PRKD3: variants seen among roughly 807,000 people sequenced by gnomAD.
PRKD3 encodes the protein serine/threonine-protein kinase D3.
A neutral mutation model predicts 99.2 loss-of-function variants in PRKD3; 47 were observed. The observed-to-expected ratio is 0.47, with a 90% confidence interval of 0.38 to 0.60. The LOEUF is 0.60. Among genes scored for constraint, PRKD3 ranks in the 20% least tolerant of loss-of-function variants. PRKD3 has a pLI of 0.00. For synonymous variants in PRKD3, 392 were observed against 355.4 expected (o/e 1.10, Z -1.16); for missense variants, 1,019 against 1,088.4 (o/e 0.94, Z 0.90).
intron 2 of PRKD3, among the ~76,000 whole-genome samples, chr2:37,297,552 C>A (rs1334089440): frequency 1.3e-5 from 2 of 151,936 alleles, no homozygotes; most frequent in Non-Finnish European, 2.9e-5. Flanking sequence ...TACCCTTTTT[C>A]TGTTTAAGAA....
chr2:37,266,295 C>G (rs1668834255), intron 14 of PRKD3, among the ~76,000 whole-genome samples: 1 of 152,122 alleles, frequency 6.6e-6, no homozygotes, highest in Non-Finnish European at 1.5e-5. Flanking sequence ...TGAATTTCAC[C>G]CAAAGCAAAT....
rs76498211 is a variant in PRKD3 at position 37,280,056 on chromosome 2, T to G, written c.989-127A>C. 9 of 327,364 alleles carry G rather than the reference T, an allele frequency of 2.7e-5. No individual in the cohort carries two copies. In the East Asian group the frequency reaches 8.7e-4, roughly 32 times the overall value. 20.3% of individuals were successfully genotyped at this position (327,364 alleles called of 1,614,324 possible). On this transcript the variant is annotated intron_variant, in intron 7 of 18. Transcript: ENST00000234179. ...TATGAGTTAAGTAAAGTATTTCTCT[T>G]TTTTTTTTTTTTTGAGATAGAGTTT... is the stretch of plus-strand genomic sequence containing the variant.
In PRKD3 at chr2:37,259,612, G is replaced by A. The variant is rs752279157; in HGVS notation, c.2116C>T (p.Leu706=). The A allele has an allele frequency of 1.1e-5, 17 of 1,613,090 alleles. No individual in the cohort carries two copies. In the Admixed American group the frequency reaches 2.8e-4, roughly 27 times the overall value. The part of the protein sequence containing the change: ...VHCDLKPENV[L]LASAEPFPQV... ...GGAAATGGCTCTGCTGATGCAAGCAGCACATTTTCTGGCTTTAAATCACAG... is the reference window on the plus strand; with the variant it reads ...GGAAATGGCTCTGCTGATGCAAGCAACACATTTTCTGGCTTTAAATCACAG... Residue 706 remains leucine (L), a synonymous_variant, in exon 16 of 19, where the codon CTG becomes TTG. Coordinates refer to ENST00000234179, the MANE Select transcript of PRKD3 (RefSeq NM_005813.6).
chr2:37,271,966 G>A (rs2110963), intron 12 of PRKD3, among the ~76,000 whole-genome samples: 20,079 of 152,118 alleles, frequency 0.13, 1,499 homozygotes, highest in South Asian at 0.27. Flanking sequence ...TTCCCTGTTT[G>A]TTCATCCTAG....
intron 2 of PRKD3, among the ~76,000 whole-genome samples, chr2:37,303,612 A>G (rs1352055819): frequency 2.0e-5 from 3 of 151,974 alleles, no homozygotes; most frequent in Non-Finnish European, 4.4e-5. Context: ...GTTTGCTCAC[A>G]TGTTCCCTCC....
intron 16 of PRKD3, among the ~76,000 whole-genome samples, chr2:37,257,687 A>T (rs1245794647): frequency 6.6e-6 from 1 of 151,436 alleles, no homozygotes; most frequent in African/African-American, 2.4e-5. Flanking sequence ...AAAAAAAAAA[A>T]AAAAAAAGTT....
At chr2:37,285,628 G>C (rs1670052848) in intron 6 of PRKD3, among the ~76,000 whole-genome samples, 1 of 152,084 alleles carries the variant, frequency 6.6e-6, no homozygotes, top group African/African-American at 2.4e-5. Flanking sequence ...TTAGTGTCTG[G>C]CTCTGGAATC....
In PRKD3 at chr2:37,279,707, T is replaced by C. The variant is rs201228452; in HGVS notation, c.1172+39A>G. ...TTCTTAATGAGATCCTGAACTGACC[T>C]TGCATCTGGAAGTAGCTTGTAATAT... is the stretch of plus-strand genomic sequence containing the variant. On this transcript the variant is annotated intron_variant, in intron 8 of 18. Coordinates refer to ENST00000234179, the MANE Select transcript of PRKD3 (RefSeq NM_005813.6). 610 of 1,528,970 alleles carry C rather than the reference T, an allele frequency of 4.0e-4. 3 individuals are homozygous for C. Among genetic ancestry groups the C allele is most frequent in the Middle Eastern group, 3.0e-3 (17 of 5,688 alleles). The allele number at this position is 1,528,970 out of a possible 1,614,324, so 94.7% of individuals were successfully genotyped here. A position where few individuals can be genotyped will look rare whatever the true frequency, so the allele number is the denominator to read the frequency against.
In PRKD3 at chr2:37,308,580, G is replaced by A. The variant is rs184542227; in HGVS notation, c.288+7657C>T. Among the ~76,000 whole-genome samples, 329 of 105,048 alleles carry A rather than the reference G, an allele frequency of 3.1e-3. 4 individuals carry two copies. In the Middle Eastern group the frequency reaches 0.069, roughly 22 times the overall value. 68.9% of individuals were successfully genotyped at this position (105,048 alleles called of 152,430 possible). ...AGCGATTCTCCTGCCTCAGCCTCCC[G>A]AGTAGTTGGGATTATAGGCACCTGC... On this transcript the variant is annotated intron_variant, in intron 2 of 18. Coordinates refer to ENST00000234179, the MANE Select transcript of PRKD3 (RefSeq NM_005813.6).
chr2:37,267,128 T>G (rs1040559984), intron 14 of PRKD3, among the ~76,000 whole-genome samples: 6 of 152,218 alleles, frequency 3.9e-5, no homozygotes, highest in Non-Finnish European at 7.3e-5. Flanking sequence ...ATGACAAGCA[T>G]GTCACCTGTG....
chr2:37,308,579 C>A (rs181207556), intron 2 of PRKD3, among the ~76,000 whole-genome samples: 3,395 of 149,926 alleles, frequency 0.023, 59 homozygotes, highest in Middle Eastern at 0.051. Context: ...CTCAGCCTCC[C>A]GAGTAGTTGG....
At chr2:37,275,202 C>A (rs1669506677) in intron 10 of PRKD3, among the ~76,000 whole-genome samples, 1 of 150,782 alleles carries the variant, frequency 6.6e-6, no homozygotes, top group African/African-American at 2.4e-5. Flanking sequence ...AAAAAAAAAA[C>A]TTACTAAAAA....
At chr2:37,279,431 A>G (rs916858846) in intron 8 of PRKD3, 24 of 175,580 alleles carry the variant, frequency 1.4e-4, no homozygotes, top group Non-Finnish European at 2.3e-4. Flanking sequence ...AAAGTTCAAT[A>G]CTGACACCTT....
At chr2:37,255,282 A>T (rs1189184374) in intron 17 of PRKD3, among the ~76,000 whole-genome samples, 1 of 149,460 alleles carries the variant, frequency 6.7e-6, no homozygotes, top group African/African-American at 2.5e-5. Context: ...ATATTAGTTA[A>T]TCCTATGATT....
At chr2:37,324,211 C>A in intron 1 of PRKD3, 1 of 985,504 alleles carries the variant, frequency 1.0e-6, no homozygotes, top group Non-Finnish European at 1.2e-6. Flanking sequence ...TTTGAGACGA[C>A]TACAACGCAA....
intron 2 of PRKD3, among the ~76,000 whole-genome samples, chr2:37,305,817 T>A (rs1671139311): frequency 6.6e-6 from 1 of 152,206 alleles, no homozygotes; most frequent in South Asian, 2.1e-4. Flanking sequence ...GATTTTGAAA[T>A]CATGAGTATT....
Position 37,272,419 on chromosome 2 carries a change from T to G in PRKD3, c.1665A>C (p.Thr555=). The G allele has an allele frequency of 6.2e-7, 1 of 1,606,188 alleles. No homozygotes were observed. Among genetic ancestry groups the G allele is most frequent in the Non-Finnish European group, 8.5e-7 (1 of 1,177,696 alleles). The change falls in exon 12 of 19, where the codon ACA becomes ACC. Residue 555 remains threonine, a synonymous_variant. Transcript: ENST00000234179. ...GQGKDHKDLS[T]SISVSNCQIQ... is the part of the protein sequence containing the mutation. The stretch of plus-strand genomic sequence containing the variant: ...TCTGACAATTAGATACAGAGATACT[T>G]GTAGACAAATCTTCTGTAAAATATA...
intron 14 of PRKD3, among the ~76,000 whole-genome samples, chr2:37,266,665 T>C (rs1011157069): frequency 6.6e-6 from 1 of 152,064 alleles, no homozygotes; most frequent in African/African-American, 2.4e-5. Flanking sequence ...TTTTTTTGTA[T>C]TTAGTAGAGA....
intron 6 of PRKD3, among the ~76,000 whole-genome samples, chr2:37,285,787 C>T (rs910430143): frequency 1.3e-5 from 2 of 152,066 alleles, no homozygotes; most frequent in African/African-American, 4.8e-5. Context: ...AGCAAGTTAC[C>T]TAATCTATGT....
Sources: gnomAD v4.1 joint callset for allele counts (sites outside exome capture counted in the v4.1 genomes callset) on GRCh38, gnomAD v4.1.1 for gene constraint, MANE v1.5 for transcripts, NCBI Gene and HGNC (gene_info 2026-07-23, HGNC 2026-07-21) for gene names.